Variants in ERBB4 observed in about 807,000 individuals in gnomAD.
The protein encoded by ERBB4 is erb-b2 receptor tyrosine kinase 4, also known as receptor tyrosine-protein kinase erbB-4.
Under a neutral mutation model 158.0 loss-of-function variants are expected in ERBB4, and 42 were observed. The ratio of observed to expected loss-of-function variants is 0.27; its 90% confidence interval spans 0.21 to 0.34. The LOEUF is 0.34. ERBB4 is among the 10% of genes least tolerant of loss of function. The probability of loss-of-function intolerance (pLI) is 1.00; values close to 1 mark genes in which losing one functional copy is unlikely to be tolerated. For missense variants in ERBB4, 1,333 were observed against 1,624.1 expected (o/e 0.82, Z 3.08); for synonymous variants, 583 against 558.7 (o/e 1.04, Z -0.61).
intron 2 of ERBB4, among the ~76,000 whole-genome samples, chr2:212,064,613 T>C (rs1420039885): frequency 6.6e-6 from 1 of 152,130 alleles, no homozygotes; most frequent in Non-Finnish European, 1.5e-5. Context: ...TACCTACATA[T>C]ATGAGTTTCT....
chr2:212,396,073 T>A (rs2091017303), intron 1 of ERBB4, among the ~76,000 whole-genome samples: 1 of 152,190 alleles, frequency 6.6e-6, no homozygotes, highest in Non-Finnish European at 1.5e-5. Flanking sequence ...TTTTAAGATA[T>A]TCTGCCAAAA....
At chr2:211,646,007 G>A (rs2070770960) in intron 16 of ERBB4, among the ~76,000 whole-genome samples, 1 of 151,584 alleles carries the variant, frequency 6.6e-6, no homozygotes, top group African/African-American at 2.4e-5. Context: ...TAGGGAGTTG[G>A]TGGTAAACTG....
At chr2:212,260,190 T>C (rs572385416) in intron 1 of ERBB4, among the ~76,000 whole-genome samples, 1 of 152,288 alleles carries the variant, frequency 6.6e-6, no homozygotes, top group East Asian at 1.9e-4. Context: ...TTTACTTGTT[T>C]TTAAATGAAA....
chr2:212,303,023 A>C (rs1237830594), intron 1 of ERBB4, among the ~76,000 whole-genome samples: 2 of 151,448 alleles, frequency 1.3e-5, no homozygotes, highest in African/African-American at 4.8e-5. Flanking sequence ...AAATGGGGAA[A>C]GAAGAGGAGT....
At chr2:211,572,903 C>T (rs1200461304) in intron 19 of ERBB4, among the ~76,000 whole-genome samples, 1 of 152,180 alleles carries the variant, frequency 6.6e-6, no homozygotes, top group Non-Finnish European at 1.5e-5. Flanking sequence ...CAACACTCCC[C>T]TCCTCCTACC....
intron 19 of ERBB4, among the ~76,000 whole-genome samples, chr2:211,572,222 T>C (rs1411162337): frequency 6.6e-6 from 1 of 152,204 alleles, no homozygotes; most frequent in African/African-American, 2.4e-5. Context: ...TGGCATTTTT[T>C]GATTGACAAC....
At chr2:211,475,187 A>C (rs1173158311) in intron 20 of ERBB4, among the ~76,000 whole-genome samples, 1 of 152,136 alleles carries the variant, frequency 6.6e-6, no homozygotes, top group Non-Finnish European at 1.5e-5. Context: ...TGACATGATA[A>C]TATAAATGTT....
rs368832523 is a variant in ERBB4, at chr2:211,979,969, A to G, written c.235-32353T>C. 8.7e-4 allele frequency among the ~76,000 whole-genome samples: 133 copies of G among 152,302 alleles called. 3 individuals carry two copies. The South Asian group carries it at 0.024, about 28-fold the overall frequency. On this transcript the variant is annotated intron_variant, in intron 2 of 27. Transcript: ENST00000342788. ...TCAATTCTGTTTTGCAATTTTCTTT[A>G]ATATATGTCTTCAAATATAGAAGAG...
chr2:211,803,429 C>A (rs565673195), intron 3 of ERBB4, among the ~76,000 whole-genome samples: 19 of 152,206 alleles, frequency 1.2e-4, no homozygotes, highest in African/African-American at 4.1e-4. Context: ...CTGTCAGAAA[C>A]AAAATTCCCT....
intron 20 of ERBB4, among the ~76,000 whole-genome samples, chr2:211,457,218 C>A (rs536367944): frequency 6.6e-6 from 1 of 152,092 alleles, no homozygotes; most frequent in Non-Finnish European, 1.5e-5. Flanking sequence ...ACGGCCAATA[C>A]ATTATGGTTA....
chr2:211,692,170 A>G (rs114392620), intron 12 of ERBB4, among the ~76,000 whole-genome samples: 75 of 152,302 alleles, frequency 4.9e-4, no homozygotes, highest in African/African-American at 1.7e-3. Context: ...CTCTTAGCAT[A>G]TGCCTGCCAG....
intron 1 of ERBB4, among the ~76,000 whole-genome samples, chr2:212,309,348 A>G (rs997266349): frequency 6.6e-5 from 10 of 150,900 alleles, no homozygotes; most frequent in African/African-American, 2.4e-4. Context: ...TAACATATTT[A>G]TCCACCAAAT....
chr2:211,624,569 G>C (rs1305123592), intron 17 of ERBB4, among the ~76,000 whole-genome samples: 1 of 152,154 alleles, frequency 6.6e-6, no homozygotes, highest in Non-Finnish European at 1.5e-5. Context: ...GGATGCCTAG[G>C]TACCATGGTG....
intron 12 of ERBB4, among the ~76,000 whole-genome samples, chr2:211,699,972 A>T (rs376324447): frequency 6.6e-6 from 1 of 152,108 alleles, no homozygotes; most frequent in South Asian, 2.1e-4. Flanking sequence ...AGACAGATAT[A>T]TGACATATGA....
chr2:212,532,421 A>G (rs1211115615), intron 1 of ERBB4, among the ~76,000 whole-genome samples: 1 of 152,244 alleles, frequency 6.6e-6, no homozygotes, highest in African/African-American at 2.4e-5. Context: ...AACTAGGGCT[A>G]TGCCTATGAC....
intron 16 of ERBB4, among the ~76,000 whole-genome samples, chr2:211,646,319 C>A (rs1264915620): frequency 6.6e-6 from 1 of 150,856 alleles, no homozygotes; most frequent in Non-Finnish European, 1.5e-5. Context: ...TCTTAAAAAA[C>A]AGAAAGAGGG....
Position 211,476,096 on chromosome 2 carries a change from T to C in ERBB4, c.2488-44996A>G, listed in dbSNP as rs116410062. On this transcript the variant is annotated intron_variant, in intron 20 of 27. Transcript: ENST00000342788. ...GATCAGCAATTCTAGGTAGAGCTGGTGGCACTTCAGTTGTACCTTGATAGA... is the reference window on the plus strand; with the variant it reads ...GATCAGCAATTCTAGGTAGAGCTGGCGGCACTTCAGTTGTACCTTGATAGA... Among the ~76,000 whole-genome samples, 229 of 152,190 alleles carry C rather than the reference T, an allele frequency of 1.5e-3. 2 individuals are homozygous for C. The highest frequency in any genetic ancestry group is 5.3e-3 in the African/African-American group (222 of 41,548).
At chr2:211,537,060 A>T (rs1159560586) in intron 20 of ERBB4, among the ~76,000 whole-genome samples, 1 of 151,724 alleles carries the variant, frequency 6.6e-6, no homozygotes, top group Non-Finnish European at 1.5e-5. Flanking sequence ...ATATTCAAAC[A>T]AAGTAAGAGT....
intron 2 of ERBB4, among the ~76,000 whole-genome samples, chr2:211,972,101 T>G (rs539535641): frequency 9.2e-5 from 14 of 152,200 alleles, no homozygotes; most frequent in African/African-American, 3.4e-4. Context: ...TTATTAGCAT[T>G]CCTATACACC....
Sources: gnomAD v4.1 joint callset for allele counts (sites outside exome capture counted in the v4.1 genomes callset) on GRCh38, gnomAD v4.1.1 for gene constraint, MANE v1.5 for transcripts, NCBI Gene and HGNC (gene_info 2026-07-23, HGNC 2026-07-21) for gene names.